PNMA5: variants seen among roughly 807,000 people sequenced by gnomAD.
PNMA5 encodes the protein PNMA family member 5, also known as paraneoplastic antigen-like protein 5.
For missense variants in PNMA5, 334 were observed against 356.6 expected, an observed-to-expected ratio of 0.94 and a Z score of 0.51; for synonymous variants, 138 against 137.9, an observed-to-expected ratio of 1.00 and a Z score of 0.00.
In PNMA5 at chrX:152,990,500, C is replaced by T. The variant is rs782026705; in HGVS notation, c.1099G>A (p.Ala367Thr). 2 of 1,193,481 alleles carry T rather than the reference C, an allele frequency of 1.7e-6. No homozygotes were observed. Among genetic ancestry groups the T allele is most frequent in the South Asian group, 3.8e-5 (2 of 53,300 alleles). The change falls in exon 4 of 4, where the codon GCC (alanine) becomes ACC (threonine). Residue 367 changes from alanine (A) to threonine (T), a missense_variant. Ala to Thr is a moderately conservative substitution (Grantham distance 58). Coordinates refer to ENST00000535214, the MANE Select transcript of PNMA5 (RefSeq NM_001184924.2). ...RAEASVSAPQ[A>T]TVQARSFSDS... is the part of the protein sequence containing the mutation. The stretch of plus-strand genomic sequence containing the variant: ...CTAAAAGACCTTGCCTGCACGGTGG[C>T]CTGAGGTGCAGAGACACTGGCTTCT...
At position 152,990,159 on chromosome X, in the gene PNMA5, C is replaced by T; in HGVS notation, c.*93G>A. 9.6e-7 allele frequency: 1 copy of T among 1,039,130 alleles called. No individual in the cohort carries two copies. The highest frequency in any genetic ancestry group is 1.2e-6 in the Non-Finnish European group (1 of 808,361). The allele number at this position is 1,039,130 out of a possible 1,213,427, so 85.6% of individuals were successfully genotyped here. On this transcript the variant is annotated 3_prime_UTR_variant, in exon 4 of 4. Coordinates refer to ENST00000535214, the MANE Select transcript of PNMA5 (RefSeq NM_001184924.2). ...ACCTGGCTTCCCTGTCCCTCTGCCCCAGTCAAGTTCCCTGTTAGTGTAAGC... is the reference window on the plus strand; with the variant it reads ...ACCTGGCTTCCCTGTCCCTCTGCCCTAGTCAAGTTCCCTGTTAGTGTAAGC...
rs781947135 is a variant in PNMA5, at chrX:152,989,984, G to A, written c.*268C>T. On this transcript the variant is annotated 3_prime_UTR_variant, in exon 4 of 4. Transcript: ENST00000535214. ...GCTGGGGTCCCCATCTGAAGCCCAG[G>A]CACCCCATGTGCTAAGTGTAGTGGT... The A allele has an allele frequency of 6.2e-6, 2 of 324,464 alleles. No individual in the cohort carries two copies. The highest frequency in any genetic ancestry group is 6.3e-5 in the Admixed American group (1 of 15,932). 26.7% of individuals were successfully genotyped at this position (324,464 alleles called of 1,213,427 possible). A position where few individuals can be genotyped will look rare whatever the true frequency, so the allele number is the denominator to read the frequency against.
chrX:152,993,630 C>T (rs1013039248), intron 1 of PNMA5, among the ~76,000 whole-genome samples: 3 of 112,364 alleles, frequency 2.7e-5, no homozygotes, highest in Non-Finnish European at 3.8e-5. Flanking sequence ...CTGCAACCTC[C>T]GCCCCCTGGG....
At position 152,990,757 on chromosome X, in the gene PNMA5, A is replaced by G; in HGVS notation, c.842T>C (p.Val281Ala). The G allele has an allele frequency of 8.4e-7, 1 of 1,191,502 alleles. No individual in the cohort carries two copies. Among genetic ancestry groups the G allele is most frequent in the Non-Finnish European group, 1.1e-6 (1 of 886,212 alleles). ...QKAVHKSPLS[V>A]RSTDMIRLKH... ...CAGACGAATCATGTCTGTGCTGCGC[A>G]CTGACAAGGGGCTCTTGTGCACGGC... Residue 281 changes from valine to alanine, a missense_variant, in exon 4 of 4, where the codon GTG (valine) becomes GCG (alanine). Coordinates refer to ENST00000535214, the MANE Select transcript of PNMA5 (RefSeq NM_001184924.2).
In PNMA5 at chrX:152,991,503, C is replaced by G. The variant is rs1556924605; in HGVS notation, c.96G>C (p.Glu32Asp). 1.7e-6 allele frequency: 2 copies of G among 1,206,122 alleles called. No individual in the cohort carries two copies. Among genetic ancestry groups the G allele is most frequent in the East Asian group, 3.0e-5 (1 of 33,787 alleles). ...CCTTCACAGTGTCCTGAATTTCCAC[C>G]TCACTACACTCCATGGGGATGCCTA... is the stretch of plus-strand genomic sequence containing the variant. ...LIVGIPMECSEVEIQDTVKAG... is the reference protein window; with the variant it reads ...LIVGIPMECSDVEIQDTVKAG... The change falls in exon 4 of 4, where the codon GAG (glutamate) becomes GAC (aspartate). Residue 32 changes from glutamate (E) to aspartate (D), a missense_variant. Glu to Asp is a conservative substitution (Grantham distance 45, BLOSUM62 2). Transcript: ENST00000535214.
intron 1 of PNMA5, among the ~76,000 whole-genome samples, 193 bp downstream of exon 1, chrX:152,993,840 C>T (rs954368861): frequency 8.0e-5 from 9 of 112,906 alleles, no homozygotes; most frequent in Admixed American, 7.4e-4. Context: ...CCACCGCGCC[C>T]GGCCAGGTCT....
In PNMA5 at chrX:152,990,436, G is replaced by T; in HGVS notation, c.1163C>A (p.Pro388Gln). The change falls in exon 4 of 4, where the codon CCA (proline) becomes CAA (glutamine). Residue 388 changes from proline (P) to glutamine (Q), a missense_variant. By Grantham distance (76) the Pro-to-Gln change is moderately conservative. Coordinates refer to ENST00000535214, the MANE Select transcript of PNMA5 (RefSeq NM_001184924.2). The stretch of plus-strand genomic sequence containing the variant: ...TAACAGCCGCCTGCGTTTCACTAAT[G>T]GGGGTAAGCCTCCCTGTATGGTCTG... ...SPQTIQGGLP[P>Q]LVKRRRLLGS... 1 of 1,163,821 alleles carries T rather than the reference G, an allele frequency of 8.6e-7. No homozygotes were observed. Among genetic ancestry groups the T allele is most frequent in the South Asian group, 2.1e-5 (1 of 48,710 alleles).
intron 1 of PNMA5, among the ~76,000 whole-genome samples, chrX:152,993,672 G>A (rs2050926502): frequency 8.9e-6 from 1 of 112,562 alleles, no homozygotes; most frequent in Non-Finnish European, 1.9e-5. Context: ...AGCCTCCTGA[G>A]TAGCTGGGAT....
intron 1 of PNMA5, among the ~76,000 whole-genome samples, chrX:152,993,306 C>T (rs2050923055): frequency 9.3e-6 from 1 of 107,962 alleles, no homozygotes; most frequent in South Asian, 4.2e-4. Context: ...CTCACCAAGT[C>T]CAACTCCTAC....
Position 152,990,706 on chromosome X carries a change from A to G in PNMA5, c.893T>C (p.Met298Thr), listed in dbSNP as rs1398541389. 1.7e-6 allele frequency: 2 copies of G among 1,196,614 alleles called. No individual in the cohort carries two copies. Among genetic ancestry groups the G allele is most frequent in the Non-Finnish European group, 2.2e-6 (2 of 889,726 alleles). ...RLKHLLARVA[M>T]TPALRGKLEL... ...CAGCTTGCCCCTGAGGGCGGGGGTC[A>G]TGGCGACCCGAGCTAAGAGATGTTT... is the stretch of plus-strand genomic sequence containing the variant. The change falls in exon 4 of 4, where the codon ATG (methionine) becomes ACG (threonine). Residue 298 changes from methionine to threonine, a missense_variant. Met to Thr is a moderately conservative substitution (Grantham distance 81, BLOSUM62 -1). Transcript: ENST00000535214.
intron 1 of PNMA5, among the ~76,000 whole-genome samples, chrX:152,993,796 C>T (rs894296430): frequency 6.2e-5 from 7 of 112,631 alleles, no homozygotes; most frequent in African/African-American, 1.6e-4. Flanking sequence ...CCACCCGCCT[C>T]GGCCTCCCAA....
chrX:152,990,454 A>G lies in PNMA5; in HGVS notation c.1145T>C (p.Ile382Thr), dbSNP rs2050890969. Reference sequence around the variant, plus strand: ...CACTAATGGGGGTAAGCCTCCCTGTATGGTCTGGGGGCTGCTGTCGCTAAA... The same window carrying G: ...CACTAATGGGGGTAAGCCTCCCTGTGTGGTCTGGGGGCTGCTGTCGCTAAA... ...RSFSDSSPQT[I>T]QGGLPPLVKR... Residue 382 changes from isoleucine (I) to threonine (T), a missense_variant, in exon 4 of 4, where the codon ATA becomes ACA. By Grantham distance (89) the Ile-to-Thr change is moderately conservative (BLOSUM62 -1). Transcript: ENST00000535214. 1 of 1,166,183 alleles carries G rather than the reference A, an allele frequency of 8.6e-7. No homozygotes were observed. Among genetic ancestry groups the G allele is most frequent in the Non-Finnish European group, 1.1e-6 (1 of 875,802 alleles).
Position 152,990,919 on chromosome X carries a change from C to T in PNMA5, c.680G>A (p.Cys227Tyr), listed in dbSNP as rs145599651. The T allele has an allele frequency of 5.0e-6, 6 of 1,200,235 alleles. No individual in the cohort carries two copies. In the African/African-American group the frequency reaches 8.8e-5, roughly 18 times the overall value. Residue 227 changes from cysteine to tyrosine, a missense_variant, in exon 4 of 4, where the codon TGC becomes TAC. By Grantham distance (194) the Cys-to-Tyr change is radical. Transcript: ENST00000535214. ...ANNDSITVEQ[C>Y]LDALKQIFGD... The stretch of plus-strand genomic sequence containing the variant: ...AAAGATCTGCTTTAGGGCGTCAAGG[C>T]ACTGCTCCACAGTTATGGAGTCATT...
In PNMA5 at chrX:152,991,092, G is replaced by C; in HGVS notation, c.507C>G (p.Ser169Arg). Residue 169 changes from serine to arginine, a missense_variant, in exon 4 of 4, where the codon AGC becomes AGG. Ser to Arg is a moderately radical substitution (Grantham distance 110, BLOSUM62 -1). Transcript: ENST00000535214. ...LKVFSGTASP[S>R]PGEETFEDWL... Reference sequence around the variant, plus strand: ...AGTCTTCAAAGGTCTCTTCGCCTGGGCTAGGGGAAGCAGTTCCCGAAAACA... The same window carrying C: ...AGTCTTCAAAGGTCTCTTCGCCTGGCCTAGGGGAAGCAGTTCCCGAAAACA... 8.3e-7 allele frequency: 1 copy of C among 1,203,652 alleles called. No individual in the cohort carries two copies. The highest frequency in any genetic ancestry group is 1.1e-6 in the Non-Finnish European group (1 of 892,455).
At chrX:152,992,028 C>T (rs1556924723) in intron 2 of PNMA5, 51 bp from the exon 3 acceptor site, 1 of 120,694 alleles carries the variant, frequency 8.3e-6, no homozygotes, top group African/African-American at 3.2e-5. Context: ...CCTGGGGACA[C>T]TGACGAGCCC....
Position 152,989,856 on chromosome X carries a change from T to A in PNMA5, c.*396A>T, listed in dbSNP as rs2050882393. The A allele has an allele frequency of 7.4e-6, 1 of 134,832 alleles. No individual in the cohort carries two copies. The highest frequency in any genetic ancestry group is 1.5e-5 in the Non-Finnish European group (1 of 64,746). 11.1% of individuals were successfully genotyped at this position (134,832 alleles called of 1,213,427 possible). On this transcript the variant is annotated 3_prime_UTR_variant, in exon 4 of 4. Coordinates refer to ENST00000535214, the MANE Select transcript of PNMA5 (RefSeq NM_001184924.2). ...TCCTCCAGGTCCCACGTGGCCTGGG[T>A]GCCAGTGGGCATGCTCAGCTCAAAG...
In PNMA5 at chrX:152,990,805, C is replaced by T. The variant is rs782327852; in HGVS notation, c.794G>A (p.Arg265His). Residue 265 changes from arginine (R) to histidine (H), a missense_variant, in exon 4 of 4, where the codon CGC becomes CAC. Coordinates refer to ENST00000535214, the MANE Select transcript of PNMA5 (RefSeq NM_001184924.2). The part of the protein sequence containing the change: ...IGEKVSTFLL[R>H]LEPLLQKAVH... Reference sequence around the variant, plus strand: ...GGCTTTCTGCAGCAGGGGCTCTAAGCGCAGCAGGAAAGTGGAGACTTTCTC... The same window carrying T: ...GGCTTTCTGCAGCAGGGGCTCTAAGTGCAGCAGGAAAGTGGAGACTTTCTC... The T allele has an allele frequency of 5.9e-6, 7 of 1,193,581 alleles. No homozygotes were observed. The highest frequency in any genetic ancestry group is 3.0e-5 in the East Asian group (1 of 33,650).
At position 152,989,172 on chromosome X, in the gene PNMA5, G is replaced by A; in HGVS notation, c.*1080C>T. The A allele has an allele frequency of 8.5e-6, 1 of 116,998 alleles. No homozygotes were observed. 9.6% of individuals were successfully genotyped at this position (116,998 alleles called of 1,213,427 possible). A position where few individuals can be genotyped will look rare whatever the true frequency, so the allele number is the denominator to read the frequency against. On this transcript the variant is annotated 3_prime_UTR_variant, in exon 4 of 4. Transcript: ENST00000535214. ...TGAGGAAACTGAGTCACGAGTAACA[G>A]CAGGGGTGGAACGCCAAAGCACAAA...
rs782287773 is a variant in PNMA5, at chrX:152,991,111, G to A, written c.488C>T (p.Ser163Leu). The A allele has an allele frequency of 1.1e-5, 13 of 1,204,879 alleles. No homozygotes were observed. The highest frequency in any genetic ancestry group is 3.6e-5 in the South Asian group (2 of 55,210). ...SMWYRKLKVF[S>L]GTASPSPGEE... ...GCCTGGGCTAGGGGAAGCAGTTCCC[G>A]AAAACACTTTCAGTTTCCTGTACCA... Residue 163 changes from serine to leucine, a missense_variant, in exon 4 of 4, where the codon TCG becomes TTG. Transcript: ENST00000535214.
Sources: allele counts gnomAD v4.1 joint callset (sites outside exome capture counted in the v4.1 genomes callset), GRCh38; gene constraint gnomAD v4.1.1; transcripts MANE v1.5; gene names NCBI Gene and HGNC (gene_info 2026-07-23, HGNC 2026-07-21).